ELL: variants seen among roughly 807,000 people sequenced by gnomAD.
ELL encodes RNA polymerase II elongation factor ELL.
Under a neutral mutation model 64.0 loss-of-function variants are expected in ELL, and 18 were observed. The ratio of observed to expected loss-of-function variants is 0.28; its 90% CI spans 0.19 to 0.42. The LOEUF is 0.42. Ranked by LOEUF, ELL falls within the 10% of genes least tolerant of loss-of-function variation. ELL has a pLI of 1.00. For missense variants in ELL, 797 were observed against 870.4 expected, an observed-to-expected ratio of 0.92 and a Z score of 1.06; for synonymous variants, 399 against 376.2, an observed-to-expected ratio of 1.06 and a Z score of -0.70.
intron 1 of ELL, among the ~76,000 whole-genome samples, chr19:18,511,500 G>A (rs1976021994): frequency 6.6e-6 from 1 of 152,182 alleles, no homozygotes; most frequent in Admixed American, 6.5e-5. Flanking sequence ...CAGTAGCATG[G>A]TTCACTACAG....
Position 18,521,987 on chromosome 19 carries a change from C to T in ELL, c.69G>A (p.Val23=). 1 of 1,611,394 alleles carries T rather than the reference C, an allele frequency of 6.2e-7. No homozygotes were observed. Among genetic ancestry groups the T allele is most frequent in the Non-Finnish European group, 8.5e-7 (1 of 1,178,892 alleles). ...SCGRVSDGSK[V]SVFHVKLTDS... is the part of the protein sequence containing the mutation. The stretch of plus-strand genomic sequence containing the variant: ...CGGTGAGCTTCACGTGGAACACCGA[C>T]ACCTTGCTGCCGTCGCTAACCCGCC... Residue 23 remains valine (V), a synonymous_variant, in exon 1 of 12, where the codon GTG becomes GTA. Coordinates refer to ENST00000262809, the MANE Select transcript of ELL (RefSeq NM_006532.4).
intron 6 of ELL, among the ~76,000 whole-genome samples, chr19:18,452,506 G>C (rs1974561647): frequency 6.6e-6 from 1 of 152,252 alleles, no homozygotes; most frequent in Non-Finnish European, 1.5e-5. Context: ...GCAAGGCAGA[G>C]ACAAAAGGAG....
Position 18,443,224 on chromosome 19 carries a change from A to G in ELL, c.*1528T>C, listed in dbSNP as rs1232403255. 1.3e-5 allele frequency: 3 copies of G among 231,810 alleles called. No homozygotes were observed. The highest frequency in any genetic ancestry group is 6.6e-5 in the African/African-American group (3 of 45,204). 14.4% of individuals were successfully genotyped at this position (231,810 alleles called of 1,614,324 possible). On this transcript the variant is annotated 3_prime_UTR_variant, in exon 12 of 12. Coordinates refer to ENST00000262809, the MANE Select transcript of ELL (RefSeq NM_006532.4). ...CCCGGCCCGGCCCAAAGAGAAAAAC[A>G]ACAACAGCTATTGAAACATGAAGGA...
intron 1 of ELL, among the ~76,000 whole-genome samples, chr19:18,503,036 A>G (rs2144966785): frequency 6.6e-6 from 1 of 152,368 alleles, no homozygotes; most frequent in Middle Eastern, 3.4e-3. Flanking sequence ...GCCCTGCCAG[A>G]GTGGCTCCCT....
At chr19:18,515,208 C>T (rs542710805) in intron 1 of ELL, among the ~76,000 whole-genome samples, 19 of 152,342 alleles carry the variant, frequency 1.2e-4, no homozygotes, top group African/African-American at 3.4e-4. Context: ...ACTGCCAGCT[C>T]GGGCCCACAG....
chr19:18,510,947 C>G (rs1283364553), intron 1 of ELL, among the ~76,000 whole-genome samples: 1 of 152,106 alleles, frequency 6.6e-6, no homozygotes, highest in Non-Finnish European at 1.5e-5. Flanking sequence ...CATGGTGAAA[C>G]CCCGTCTCTA....
chr19:18,450,684 C>A lies in ELL; in HGVS notation c.1258G>T (p.Ala420Ser), dbSNP rs766612516. 21 of 1,584,268 alleles carry A rather than the reference C, an allele frequency of 1.3e-5. No homozygotes were observed. The highest frequency in any genetic ancestry group is 1.7e-5 in the Non-Finnish European group (20 of 1,166,024). Residue 420 changes from alanine to serine, a missense_variant, in exon 8 of 12, where the codon GCC becomes TCC. By Grantham distance (99) the Ala-to-Ser change is moderately conservative. Coordinates refer to ENST00000262809, the MANE Select transcript of ELL (RefSeq NM_006532.4). ...DCEHGEAAAP[A>S]PTVRLGLPLL... ...GGCAGGCCGAGGCGCACAGTGGGGGCTGGGGCAGCCGCCTCTCCGTGCTCA... is the reference window on the plus strand; with the variant it reads ...GGCAGGCCGAGGCGCACAGTGGGGGATGGGGCAGCCGCCTCTCCGTGCTCA...
chr19:18,447,166 G>A (rs1356251426), intron 8 of ELL, among the ~76,000 whole-genome samples: 1 of 152,246 alleles, frequency 6.6e-6, no homozygotes, highest in Non-Finnish European at 1.5e-5. Context: ...TGCACAACCG[G>A]TCAGAGCTTC....
intron 1 of ELL, among the ~76,000 whole-genome samples, chr19:18,473,422 C>A (rs925775283): frequency 2.0e-5 from 3 of 152,228 alleles, no homozygotes; most frequent in Non-Finnish European, 4.4e-5. Context: ...TTTTAACAAC[C>A]AGGTGGGTGA....
intron 2 of ELL, among the ~76,000 whole-genome samples, chr19:18,470,560 G>A (rs1975043428): frequency 6.6e-6 from 1 of 152,252 alleles, no homozygotes; most frequent in Admixed American, 6.5e-5. Flanking sequence ...ACCCAACTGG[G>A]GCTGATGGAA....
intron 2 of ELL, among the ~76,000 whole-genome samples, chr19:18,470,316 G>A (rs1011963963): frequency 1.3e-5 from 2 of 152,260 alleles, no homozygotes; most frequent in African/African-American, 2.4e-5. Context: ...TGACGGGCTC[G>A]CTGAGATGGG....
intron 1 of ELL, among the ~76,000 whole-genome samples, chr19:18,503,979 C>T (rs948574242): frequency 3.9e-5 from 6 of 152,328 alleles, no homozygotes; most frequent in African/African-American, 1.2e-4. Flanking sequence ...GTGGACAACC[C>T]GCTCACTCAC....
In ELL at chr19:18,472,886, T is replaced by TAAAAAAAAACAAAA; in HGVS notation, c.136-5_136-4insTTTTGTTTTTTTTT. 1.6e-6 allele frequency: 2 copies of TAAAAAAAAACAAAA among 1,213,072 alleles called. No homozygotes were observed. The highest frequency in any genetic ancestry group is 2.6e-5 in the African/African-American group (1 of 38,568). 75.1% of individuals were successfully genotyped at this position (1,213,072 alleles called of 1,614,324 possible). A position where few individuals can be genotyped will look rare whatever the true frequency, so the allele number is the denominator to read the frequency against. Reference sequence around the variant, plus strand: ...ATGGCCTCAGTGAAACAGAATCCTATAAAAAAAAAAAAAAAAAAAAAAAGG... The same window carrying TAAAAAAAAACAAAA: ...ATGGCCTCAGTGAAACAGAATCCTATAAAAAAAAACAAAAAAAAAAAAAAAAAAAAAAAAAAAGG... On this transcript the variant is annotated splice_region_variant and splice_polypyrimidine_tract_variant and intron_variant, in intron 1 of 11. Coordinates refer to ENST00000262809, the MANE Select transcript of ELL (RefSeq NM_006532.4).
At chr19:18,468,060 ACAAACCCCTCCACAC>A (rs1974989025) in intron 2 of ELL, among the ~76,000 whole-genome samples, 1 of 132,334 alleles carries the variant, frequency 7.6e-6, no homozygotes, top group Non-Finnish European at 1.6e-5. Context: ...ACAGCCACAC[ACAAACCCCTCCACAC>A]CAAACCCCTC....
Position 18,451,339 on chromosome 19 carries a change from T to C in ELL, c.966+213A>G, listed in dbSNP as rs553632793. 2.6e-5 allele frequency among the ~76,000 whole-genome samples: 4 copies of C among 152,346 alleles called. No individual in the cohort carries two copies. The South Asian group carries it at 8.3e-4, about 32-fold the overall frequency. Reference sequence around the variant, plus strand: ...CCGCCCCCCGTCCCAGGTTCCGCACTGTGACACTGGGGTGCTGCGGCCACA... The same window carrying C: ...CCGCCCCCCGTCCCAGGTTCCGCACCGTGACACTGGGGTGCTGCGGCCACA... On this transcript the variant is annotated intron_variant, in intron 7 of 11. Transcript: ENST00000262809.
intron 4 of ELL, among the ~76,000 whole-genome samples, chr19:18,465,009 A>G (rs1221900444): frequency 6.6e-6 from 1 of 152,200 alleles, no homozygotes; most frequent in African/African-American, 2.4e-5. Flanking sequence ...GGCAGCCTCC[A>G]GAGACAGACA....
chr19:18,478,686 C>A (rs561571871), intron 1 of ELL, among the ~76,000 whole-genome samples: 43 of 152,358 alleles, frequency 2.8e-4, no homozygotes, highest in African/African-American at 1.0e-3. Context: ...CAAGGCCGGA[C>A]AGGCAGGCAC....
At chr19:18,511,156 A>G (rs561261171) in intron 1 of ELL, among the ~76,000 whole-genome samples, 1 of 151,984 alleles carries the variant, frequency 6.6e-6, no homozygotes, top group Non-Finnish European at 1.5e-5. Context: ...AGTCCCAGCT[A>G]CTCGGGAGGC....
intron 1 of ELL, 101 bp downstream of exon 1, chr19:18,521,820 A>T (rs1976286165): frequency 2.1e-6 from 3 of 1,447,140 alleles, no homozygotes; most frequent in Non-Finnish European, 2.7e-6. Flanking sequence ...GCAGCACCAC[A>T]GACCTAGCGT....
Sources: gnomAD v4.1 joint callset for allele counts (sites outside exome capture counted in the v4.1 genomes callset) on GRCh38, gnomAD v4.1.1 for gene constraint, MANE v1.5 for transcripts, NCBI Gene and HGNC (gene_info 2026-07-23, HGNC 2026-07-21) for gene names.